APTX: variants seen among roughly 807,000 people sequenced by gnomAD.
APTX encodes the protein aprataxin.
In APTX, 33 loss-of-function variants were observed where a neutral mutation model predicts 42.3. That is an observed-to-expected ratio of 0.78 (90% CI 0.59 to 1.04). The LOEUF (loss-of-function observed/expected upper bound fraction) is 1.04, where lower values mean the gene tolerates loss of function less well. Among genes scored for constraint, APTX ranks in the 50% least tolerant of loss-of-function variants. APTX has a pLI of 0.00. For synonymous variants in APTX, 130 were observed against 146.7 expected (o/e 0.89, Z 0.82); for missense variants, 421 against 415.1 (o/e 1.01, Z -0.12).
At chr9:33,017,931 C>T (rs1005993938) in intron 1 of APTX, among the ~76,000 whole-genome samples, 2 of 78,180 alleles carry the variant, frequency 2.6e-5, no homozygotes, top group Admixed American at 1.2e-4. Flanking sequence ...AACCAGCGCC[C>T]CCCCCCCCCT....
chr9:33,009,653 C>A (rs1218981935), intron 1 of APTX, among the ~76,000 whole-genome samples: 1 of 152,032 alleles, frequency 6.6e-6, no homozygotes, highest in Non-Finnish European at 1.5e-5. Context: ...GTGGTATGTG[C>A]CCGTGATCCC....
upstream of APTX, among the ~76,000 whole-genome samples, chr9:33,001,912 G>T (rs1836640060): frequency 6.6e-6 from 1 of 152,182 alleles, no homozygotes. Context: ...TTTCTAGGTG[G>T]CTGTGCAGCT....
chr9:32,987,251 T>C (rs933792846), intron 4 of APTX, among the ~76,000 whole-genome samples: 3 of 152,220 alleles, frequency 2.0e-5, no homozygotes, highest in Admixed American at 1.3e-4. Flanking sequence ...ATGAATTACA[T>C]GATCTATGAA....
At chr9:33,008,836 G>A (rs1022281123) in intron 1 of APTX, among the ~76,000 whole-genome samples, 5 of 152,104 alleles carry the variant, frequency 3.3e-5, no homozygotes, top group African/African-American at 9.7e-5. Context: ...ACAGACGTGC[G>A]CCACCGCGTT....
chr9:33,000,594 C>A (rs1425036006), intron 1 of APTX, among the ~76,000 whole-genome samples: 1 of 141,806 alleles, frequency 7.1e-6, no homozygotes, highest in Non-Finnish European at 1.5e-5. Flanking sequence ...CCGTTGCTCT[C>A]CAGCCTGGGT....
At chr9:33,001,210 T>C in intron 1 of APTX, 1 of 1,054,478 alleles carries the variant, frequency 9.5e-7, no homozygotes, top group Non-Finnish European at 1.3e-6. Context: ...GTCCCTCAAG[T>C]GCCTTTCACG....
chr9:33,024,420 G>A (rs1167680565), intron 1 of APTX, among the ~76,000 whole-genome samples: 1 of 152,192 alleles, frequency 6.6e-6, no homozygotes, highest in East Asian at 1.9e-4. Flanking sequence ...TCAAGTCCGA[G>A]GTCTTACGTT....
At position 33,001,499 on chromosome 9, in the gene APTX, C is replaced by T. The variant is rs753593638; in HGVS notation, c.-5+68G>A. The T allele has an allele frequency of 3.1e-6, 5 of 1,610,000 alleles. No homozygotes were observed. The East Asian group carries it at 1.1e-4, about 36-fold the overall frequency. ...CACATCACTCAAGGGTAGGAGCAGC[C>T]TCGGCCGAACGCTCACCCGCGGCAT... On this transcript the variant is annotated intron_variant, in intron 1 of 7. Transcript: ENST00000379817.
upstream of APTX, among the ~76,000 whole-genome samples, chr9:33,003,119 T>A (rs1836826092): frequency 6.6e-6 from 1 of 152,224 alleles, no homozygotes; most frequent in African/African-American, 2.4e-5. Context: ...CCCTCTCGGT[T>A]AAGGGTGCTT....
rs187504016 is a variant in APTX, at chr9:33,012,764, T to C, written c.-5+12259A>G. ...GCGGAATTCTGATTAAATAAATGAT[T>C]GCTACCTTAAGTCACCAATTTTGAG... On this transcript the variant is annotated intron_variant, in intron 1 of 6. Coordinates refer to the APTX transcript ENST00000436040. Among the ~76,000 whole-genome samples the C allele has an allele frequency of 7.9e-5, 12 of 152,328 alleles. No homozygotes were observed. In the East Asian group the frequency reaches 2.3e-3, roughly 29 times the overall value.
chr9:33,014,374 T>C (rs992850159), intron 1 of APTX, among the ~76,000 whole-genome samples: 1 of 152,210 alleles, frequency 6.6e-6, no homozygotes, highest in African/African-American at 2.4e-5. Flanking sequence ...TAAAGGGCAG[T>C]TTATTAGAAA....
At chr9:32,987,445 C>A (rs1832457990) in intron 4 of APTX, 99 bp downstream of exon 4, 1 of 1,446,802 alleles carries the variant, frequency 6.9e-7, no homozygotes, top group South Asian at 1.1e-5. Flanking sequence ...TGGTTAATAA[C>A]CCCTCACGCA....
Position 32,975,026 on chromosome 9 carries a change from G to A in APTX, c.771-465C>T, listed in dbSNP as rs139785229. On this transcript the variant is annotated intron_variant, in intron 6 of 7. Transcript: ENST00000379817. ...GCATCTCCCGGGAAGTGATTTGAAC[G>A]GAGACAGCACCCAAGCAAGCTAGGT... is the stretch of plus-strand genomic sequence containing the variant. Among the ~76,000 whole-genome samples the A allele has an allele frequency of 4.2e-3, 635 of 152,300 alleles. 6 individuals are homozygous for A. The highest frequency in any genetic ancestry group is 0.014 in the African/African-American group (599 of 41,576).
chr9:33,018,322 C>T (rs1346974911), intron 1 of APTX, among the ~76,000 whole-genome samples: 2 of 151,670 alleles, frequency 1.3e-5, no homozygotes, highest in Admixed American at 6.6e-5. Context: ...ATCTCTACTA[C>T]GATGGAAGGC....
At chr9:33,002,896 G>A (rs1157836201), upstream of APTX, among the ~76,000 whole-genome samples, 1 of 152,202 alleles carries the variant, frequency 6.6e-6, no homozygotes, top group East Asian at 1.9e-4. Flanking sequence ...GAAGGTGGGA[G>A]GATCTTCCAA....
At chr9:33,004,000 G>C (rs570867567), upstream of APTX, among the ~76,000 whole-genome samples, 3 of 152,286 alleles carry the variant, frequency 2.0e-5, no homozygotes, top group Admixed American at 6.5e-5. Flanking sequence ...ATTTGCAATT[G>C]CAAGAACATG....
At chr9:33,018,572 A>G (rs1244588672) in intron 1 of APTX, among the ~76,000 whole-genome samples, 31 of 53,564 alleles carry the variant, frequency 5.8e-4, no homozygotes, top group Admixed American at 2.5e-3. Flanking sequence ...TCGTCTCAGA[A>G]AAAAAAAAAA....
At chr9:33,021,590 A>AG (rs1389651679) in intron 1 of APTX, among the ~76,000 whole-genome samples, 25 of 152,242 alleles carry the variant, frequency 1.6e-4, no homozygotes, top group African/African-American at 5.1e-4. Context: ...TGGGACACCA[A>AG]GGCAGGACAA....
chr9:32,990,092 A>G lies in APTX; in HGVS notation c.-4-197T>C, dbSNP rs1587493577. On this transcript the variant is annotated intron_variant, in intron 1 of 7. Coordinates refer to ENST00000379817, the MANE Select transcript of APTX (RefSeq NM_001195248.2). ...CTCAGGAGGCTGTTGTGAAAATTAA[A>G]TGAGATAATGTGAGTAAGTATTTAC... is the stretch of plus-strand genomic sequence containing the variant. The G allele has an allele frequency of 9.3e-6, 6 of 643,832 alleles. No individual in the cohort carries two copies. In the East Asian group the frequency reaches 1.7e-4, roughly 18 times the overall value. The allele number at this position is 643,832 out of a possible 1,614,324, so 39.9% of individuals were successfully genotyped here.
Sources: gnomAD v4.1 joint callset for allele counts (sites outside exome capture counted in the v4.1 genomes callset) on GRCh38, gnomAD v4.1.1 for gene constraint, MANE v1.5 for transcripts, NCBI Gene and HGNC (gene_info 2026-07-23, HGNC 2026-07-21) for gene names.